The following SHB variants were observed in gnomAD, a reference collection of about 807,000 sequenced individuals.
The protein encoded by SHB is SH2 domain containing adaptor protein B, also known as SH2 domain-containing adapter protein B.
SHB carries 20 observed loss-of-function variants against 52.3 expected under a neutral mutation model. The ratio of observed to expected loss-of-function variants is 0.38; its 90% CI spans 0.27 to 0.56. The LOEUF (loss-of-function observed/expected upper bound fraction) is 0.56. Ranked by LOEUF, SHB falls within the 20% of genes least tolerant of loss-of-function variation. The pLI is 0.71. For missense variants in SHB, 825 were observed against 723.3 expected (o/e 1.14, Z -1.61); for synonymous variants, 397 against 316.5 (o/e 1.25, Z -2.70).
At chr9:38,044,350 T>C (rs1821620098) in intron 1 of SHB, among the ~76,000 whole-genome samples, 1 of 152,194 alleles carries the variant, frequency 6.6e-6, no homozygotes, top group Admixed American at 6.5e-5. Flanking sequence ...CAACAACTCT[T>C]TCCAGAAAAG....
chr9:38,037,356 A>C (rs917266771), intron 1 of SHB, among the ~76,000 whole-genome samples: 2 of 152,056 alleles, frequency 1.3e-5, no homozygotes, highest in Non-Finnish European at 2.9e-5. Context: ...ACCTGCCCCC[A>C]CCACTGCCCG....
Position 37,916,111 on chromosome 9 carries a change from G to A in SHB, c.*3710C>T, listed in dbSNP as rs371737689. Among the ~76,000 whole-genome samples, 7 of 152,340 alleles carry A rather than the reference G, an allele frequency of 4.6e-5. No individual in the cohort carries two copies. The South Asian group carries it at 1.2e-3, about 27-fold the overall frequency. On this transcript the variant is annotated 3_prime_UTR_variant, in exon 6 of 6. Coordinates refer to ENST00000377707, the MANE Select transcript of SHB (RefSeq NM_003028.3). The stretch of plus-strand genomic sequence containing the variant: ...AAGGGGCTTGCCCTCCTGCAAGCGC[G>A]CCTGTGAACAAGTCCCCGTGGGGTT...
chr9:37,951,586 T>G (rs1348688945), intron 4 of SHB, among the ~76,000 whole-genome samples: 1 of 152,244 alleles, frequency 6.6e-6, no homozygotes, highest in African/African-American at 2.4e-5. Flanking sequence ...TGAGCCGTCC[T>G]CAGGGAAAGG....
intron 2 of SHB, among the ~76,000 whole-genome samples, chr9:37,991,289 G>A (rs2118015061): frequency 6.6e-6 from 1 of 152,226 alleles, no homozygotes; most frequent in East Asian, 1.9e-4. Context: ...TCCCACCTCC[G>A]CTTCTCTGAT....
rs1319763835 is a variant in SHB, at chr9:37,998,733, G to A, written c.838+17278C>T. Among the ~76,000 whole-genome samples, 16 of 152,342 alleles carry A rather than the reference G, an allele frequency of 1.1e-4. No homozygotes were observed. In the East Asian group the frequency reaches 2.7e-3, roughly 26 times the overall value. On this transcript the variant is annotated intron_variant, in intron 2 of 5. Transcript: ENST00000377707. ...CTCCCAAAGTGCTAGGATTACAGGT[G>A]TGAGCTGCCCTGCCTGTCCTCGAAA...
chr9:37,957,607 T>C (rs1426752828), intron 3 of SHB, among the ~76,000 whole-genome samples: 1 of 152,168 alleles, frequency 6.6e-6, no homozygotes, highest in South Asian at 2.1e-4. Flanking sequence ...CACCAACAGG[T>C]AGTCCACCCG....
intron 2 of SHB, among the ~76,000 whole-genome samples, chr9:37,998,724 A>G (rs1039887315): frequency 2.6e-5 from 4 of 152,248 alleles, no homozygotes; most frequent in African/African-American, 9.6e-5. Flanking sequence ...AAGTGCTAGG[A>G]TTACAGGTGT....
chr9:37,941,804 G>C (rs1180403205), intron 5 of SHB, among the ~76,000 whole-genome samples: 1 of 152,176 alleles, frequency 6.6e-6, no homozygotes. Context: ...ACACATGGGA[G>C]CAAGCAACCA....
intron 5 of SHB, among the ~76,000 whole-genome samples, chr9:37,929,137 G>A (rs1832284664): frequency 6.6e-6 from 1 of 152,356 alleles, no homozygotes; most frequent in South Asian, 2.1e-4. Context: ...CCTGAACTGT[G>A]CCTGGTCTGA....
At position 38,051,584 on chromosome 9, in the gene SHB, G is replaced by A. The variant is rs139007360; in HGVS notation, c.717+16345C>T. 1.2e-3 allele frequency among the ~76,000 whole-genome samples: 185 copies of A among 152,222 alleles called. 2 individuals are homozygous for A. The highest frequency in any genetic ancestry group is 4.1e-3 in the African/African-American group (169 of 41,526). ...GGAATATCATCCAGGCTGTGACAGC[G>A]TTCTCAGCTGTCCTGTGGGTGATGA... On this transcript the variant is annotated intron_variant, in intron 1 of 5. Coordinates refer to ENST00000377707, the MANE Select transcript of SHB (RefSeq NM_003028.3).
chr9:38,037,580 C>A (rs1226435229), intron 1 of SHB, among the ~76,000 whole-genome samples: 2 of 152,252 alleles, frequency 1.3e-5, no homozygotes, highest in Non-Finnish European at 2.9e-5. Flanking sequence ...GCCTCAGTTT[C>A]TTCACTATAA....
intron 1 of SHB, among the ~76,000 whole-genome samples, chr9:38,020,101 G>A (rs564348354): frequency 6.6e-5 from 10 of 152,342 alleles, no homozygotes; most frequent in African/African-American, 2.4e-4. Context: ...TGGGAAGGAG[G>A]GAAGGACTTG....
At chr9:37,922,133 G>A (rs572970031) in intron 5 of SHB, among the ~76,000 whole-genome samples, 2 of 152,344 alleles carry the variant, frequency 1.3e-5, no homozygotes, top group African/African-American at 2.4e-5. Flanking sequence ...CTATACCTGG[G>A]GGACAGAGTG....
chr9:38,058,382 G>A (rs970864469), intron 1 of SHB, among the ~76,000 whole-genome samples: 1 of 152,182 alleles, frequency 6.6e-6, no homozygotes. Flanking sequence ...TGGCTGCTCG[G>A]GGCCAAAACC....
intron 3 of SHB, among the ~76,000 whole-genome samples, chr9:37,966,180 C>G (rs141470943): frequency 1.3e-5 from 2 of 152,318 alleles, no homozygotes; most frequent in South Asian, 2.1e-4. Flanking sequence ...GTGCCAGGCA[C>G]AGATCACAGG....
intron 1 of SHB, among the ~76,000 whole-genome samples, chr9:38,050,302 G>A (rs952556539): frequency 1.4e-4 from 21 of 152,186 alleles, no homozygotes; most frequent in African/African-American, 2.9e-4. Flanking sequence ...AGAACTAAGC[G>A]GCAGAAAATG....
Position 38,042,258 on chromosome 9 carries a change from G to A in SHB, c.717+25671C>T, listed in dbSNP as rs920582895. Among the ~76,000 whole-genome samples, 11 of 152,274 alleles carry A rather than the reference G, an allele frequency of 7.2e-5. 1 individual carries two copies. The highest frequency in any genetic ancestry group is 4.6e-4 in the Admixed American group (7 of 15,304). On this transcript the variant is annotated intron_variant, in intron 1 of 5. Transcript: ENST00000377707. ...AAGGCAGAGTTTAGCATGGTGCCCG[G>A]GACACAGTAAGAGCTCACTATGTAC...
Position 37,940,862 on chromosome 9 carries a change from G to A in SHB, c.1346+7773C>T, listed in dbSNP as rs551699472. On this transcript the variant is annotated intron_variant, in intron 5 of 5. Coordinates refer to ENST00000377707, the MANE Select transcript of SHB (RefSeq NM_003028.3). ...ATGAGGAGGCCAGACCACAAGTTCGGAAGATGGGCAGGAGAGCTGGAGGGG... is the reference window on the plus strand; with the variant it reads ...ATGAGGAGGCCAGACCACAAGTTCGAAAGATGGGCAGGAGAGCTGGAGGGG... 1.6e-4 allele frequency among the ~76,000 whole-genome samples: 24 copies of A among 152,318 alleles called. No homozygotes were observed. The East Asian group carries it at 4.2e-3, about 27-fold the overall frequency.
At chr9:37,920,080 T>C in intron 5 of SHB, 76 bp from the exon 6 acceptor site, 2 of 1,217,652 alleles carry the variant, frequency 1.6e-6, no homozygotes, top group Non-Finnish European at 2.4e-6. Flanking sequence ...CTCAGCTGTC[T>C]GGGACAGAAG....
Sources: allele counts gnomAD v4.1 joint callset (sites outside exome capture counted in the v4.1 genomes callset), GRCh38; gene constraint gnomAD v4.1.1; transcripts MANE v1.5; gene names NCBI Gene and HGNC (gene_info 2026-07-23, HGNC 2026-07-21).